Variants in ADPRHL1 observed in about 807,000 individuals in gnomAD.
ADPRHL1 encodes the protein ADP-ribosylhydrolase like 1.
ADPRHL1 carries 43 observed loss-of-function variants against 44.1 expected under a neutral mutation model. The observed-to-expected ratio is 0.98, with a 90% CI of 0.76 to 1.26. The LOEUF (loss-of-function observed/expected upper bound fraction) is 1.26. Among genes scored for constraint, ADPRHL1 ranks in the 50% most tolerant of loss-of-function variants. The probability of loss-of-function intolerance (pLI) is 0.00; values close to 1 mark genes in which losing one functional copy is unlikely to be tolerated. For missense variants in ADPRHL1, 2,022 were observed against 2,496.9 expected (o/e 0.81, Z 4.05); for synonymous variants, 878 against 1,017.4 (o/e 0.86, Z 2.61).
rs201361406 is a variant in ADPRHL1 at position 113,428,936 on chromosome 13, C to A, written c.646+16G>T. 6.2e-7 allele frequency: 1 copy of A among 1,611,810 alleles called. No homozygotes were observed. The highest frequency in any genetic ancestry group is 8.5e-7 in the Non-Finnish European group (1 of 1,179,908). Reference sequence around the variant, plus strand: ...ATCTGCTCTGAGTGCGGACTGGGGCCGGGGGAGCGGCTCACCTGCCGTGTG... The same window carrying A: ...ATCTGCTCTGAGTGCGGACTGGGGCAGGGGGAGCGGCTCACCTGCCGTGTG... On this transcript the variant is annotated intron_variant, in intron 4 of 7. Transcript: ENST00000612156.
At chr13:113,447,530 C>T (rs1394474135) in intron 1 of ADPRHL1, among the ~76,000 whole-genome samples, 2 of 152,156 alleles carry the variant, frequency 1.3e-5, no homozygotes, top group Non-Finnish European at 2.9e-5. Flanking sequence ...ATGGTGTCTA[C>T]ACTCACGGTG....
rs1192376322 is a variant in ADPRHL1, at chr13:113,420,878, CCACCCCCGGGACCCGCT to C, written c.1061+1931_1061+1947del. 2.7e-5 allele frequency among the ~76,000 whole-genome samples: 4 copies of C among 150,284 alleles called. No homozygotes were observed. In the South Asian group the frequency reaches 6.3e-4, roughly 24 times the overall value. ...GGACACACCTAGCCCCAGGACCCGC[CCACCCCCGGGACCCGCT>C]CACCCCGGGACACCACTACCCCTGG... On this transcript the variant is annotated intron_variant, in intron 7 of 7. Coordinates refer to ENST00000612156, the MANE Select transcript of ADPRHL1 (RefSeq NM_001394807.1).
intron 2 of ADPRHL1, among the ~76,000 whole-genome samples, chr13:113,438,042 G>A (rs955383869): frequency 6.6e-6 from 1 of 152,120 alleles, no homozygotes; most frequent in Non-Finnish European, 1.5e-5. Flanking sequence ...TGTTGGCCAG[G>A]CTGGTCTTGA....
chr13:113,429,023 C>G lies in ADPRHL1; in HGVS notation c.575G>C (p.Trp192Ser), dbSNP rs754691717. The G allele has an allele frequency of 6.2e-6, 10 of 1,612,788 alleles. No individual in the cohort carries two copies. Among genetic ancestry groups the G allele is most frequent in the Admixed American group, 1.7e-5 (1 of 60,000 alleles). The part of the protein sequence containing the change: ...FAAQGKPLVQ[W>S]GRDMLRAVPL... ...CACCGCCCGCAGCATGTCTCTCCCC[C>G]ACTGGACCAGGGGCTTTCCTTGTGC... The change falls in exon 4 of 8, where the codon TGG (tryptophan) becomes TCG (serine). Residue 192 changes from tryptophan to serine, a missense_variant. Physicochemically the swap from Trp to Ser is radical, Grantham distance 177 (BLOSUM62 -3). This residue lies in a region of ADPRHL1 where 437 missense variants were observed against 430.7 expected (regional missense o/e 1.01). Transcript: ENST00000612156.
At chr13:113,408,249 T>C (rs1416961585) in intron 7 of ADPRHL1, 29 bp from the exon 8 acceptor site, 3 of 1,231,780 alleles carry the variant, frequency 2.4e-6, no homozygotes, top group Non-Finnish European at 3.0e-6. Context: ...CATCACCTAC[T>C]TCATCATCAT....
intron 7 of ADPRHL1, among the ~76,000 whole-genome samples, chr13:113,420,498 C>T (rs77959582): frequency 5.1e-4 from 78 of 152,188 alleles, no homozygotes; most frequent in African/African-American, 1.8e-3. Flanking sequence ...GTACTACGAC[C>T]GTGTTACTTA....
At chr13:113,434,534 C>T (rs12871498) in intron 2 of ADPRHL1, among the ~76,000 whole-genome samples, 31 of 119,106 alleles carry the variant, frequency 2.6e-4, no homozygotes, top group South Asian at 8.7e-4. Flanking sequence ...AGAGTGAACA[C>T]AGGTGTACCC....
intron 7 of ADPRHL1, among the ~76,000 whole-genome samples, chr13:113,419,220 C>T (rs1286437404): frequency 1.2e-4 from 18 of 147,852 alleles, no homozygotes; most frequent in African/African-American, 4.5e-4. Context: ...AATCCTCCCA[C>T]CTCAGTCTCC....
At chr13:113,412,558 A>T (rs190007416) in intron 7 of ADPRHL1, among the ~76,000 whole-genome samples, 4 of 152,368 alleles carry the variant, frequency 2.6e-5, no homozygotes, top group African/African-American at 9.6e-5. Context: ...ACTAGAGCAG[A>T]GCCCCTGCAT....
intron 2 of ADPRHL1, among the ~76,000 whole-genome samples, chr13:113,435,416 C>T (rs370043659): frequency 2.1e-3 from 158 of 76,804 alleles, no homozygotes; most frequent in East Asian, 3.5e-3. Flanking sequence ...AGAGTGAACA[C>T]AGGTGTACCC....
chr13:113,424,278 G>C lies in ADPRHL1; in HGVS notation c.846C>G (p.Asp282Glu), dbSNP rs80197449. The change falls in exon 6 of 8, where the codon GAC becomes GAG. Residue 282 changes from aspartate (D) to glutamate (E), a missense_variant. Asp to Glu is a conservative substitution (Grantham distance 45). This residue lies in a region of ADPRHL1 where 437 missense variants were observed against 430.7 expected (regional missense o/e 1.01). Coordinates refer to ENST00000612156, the MANE Select transcript of ADPRHL1 (RefSeq NM_001394807.1). Reference protein sequence around the residue: ...RGHDAPMIAYDALLAAGNSWT... With the variant: ...RGHDAPMIAYEALLAAGNSWT... ...AGCTGTTTCCTGCTGCAAGGAGGGC[G>C]TCATAGGCTATCATGGGGGCATCGT... The C allele has an allele frequency of 1.9e-6, 3 of 1,612,950 alleles. No individual in the cohort carries two copies. Among genetic ancestry groups the C allele is most frequent in the Non-Finnish European group, 2.5e-6 (3 of 1,179,920 alleles).
At chr13:113,434,474 C>T (rs1162315253) in intron 2 of ADPRHL1, among the ~76,000 whole-genome samples, 2 of 148,714 alleles carry the variant, frequency 1.3e-5, no homozygotes, top group Non-Finnish European at 3.0e-5. Flanking sequence ...GACCCAGCAC[C>T]CACACGTAGA....
At chr13:113,416,544 G>A (rs546157541) in intron 7 of ADPRHL1, among the ~76,000 whole-genome samples, 67 of 152,232 alleles carry the variant, frequency 4.4e-4, no homozygotes, top group African/African-American at 1.5e-3. Flanking sequence ...CCTAATTACA[G>A]CAACTGCCTA....
In ADPRHL1 at chr13:113,401,556, A is replaced by T. The variant is rs1447519905; in HGVS notation, c.*1822T>A. 2 of 152,234 alleles carry T rather than the reference A, an allele frequency of 1.3e-5. No homozygotes were observed. The highest frequency in any genetic ancestry group is 2.4e-5 in the African/African-American group (1 of 41,398). The allele number at this position is 152,234 out of a possible 1,614,324, so 9.4% of individuals were successfully genotyped here. ...CCTCCACACACAGCAGCTCGCACTT[A>T]GAACCCACACGCCAAGCAGAAACCC... On this transcript the variant is annotated 3_prime_UTR_variant, in exon 8 of 8. Coordinates refer to ENST00000612156, the MANE Select transcript of ADPRHL1 (RefSeq NM_001394807.1). The surrounding 1 kb of genome is among the most constrained non-coding windows in gnomAD (Gnocchi z 5.5).
chr13:113,430,810 G>A (rs2044001719), intron 3 of ADPRHL1, among the ~76,000 whole-genome samples: 1 of 152,144 alleles, frequency 6.6e-6, no homozygotes, highest in Non-Finnish European at 1.5e-5. Flanking sequence ...AGTAGGGATG[G>A]TGTGGTGCTG....
At position 113,403,958 on chromosome 13, in the gene ADPRHL1, C is replaced by A; in HGVS notation, c.5324G>T (p.Arg1775Leu). 7.9e-7 allele frequency: 1 copy of A among 1,268,126 alleles called. No homozygotes were observed. The highest frequency in any genetic ancestry group is 9.9e-7 in the Non-Finnish European group (1 of 1,014,862). 78.6% of individuals were successfully genotyped at this position (1,268,126 alleles called of 1,614,324 possible). A position where few individuals can be genotyped will look rare whatever the true frequency, so the allele number is the denominator to read the frequency against. The change falls in exon 8 of 8, where the codon CGG (arginine) becomes CTG (leucine). Residue 1775 changes from arginine (R) to leucine (L), a missense_variant. Transcript: ENST00000612156. ...QKGAQEWARD[R>L]ARDQGWEQTQ... ...CTGCTCCCAGCCCTGATCCCGAGCC[C>A]GATCCCGAGCCCATTCCTGAGCCCC...
chr13:113,443,799 A>C (rs1024777171), intron 2 of ADPRHL1, among the ~76,000 whole-genome samples: 7 of 151,838 alleles, frequency 4.6e-5, no homozygotes, highest in African/African-American at 1.2e-4. Context: ...CAAAATTAGC[A>C]GGGCATGGTG....
chr13:113,413,495 C>T (rs958720432), intron 7 of ADPRHL1, among the ~76,000 whole-genome samples: 3 of 152,216 alleles, frequency 2.0e-5, no homozygotes, highest in Non-Finnish European at 2.9e-5. Context: ...GGACTTTCGG[C>T]GACTCCCGCG....
intron 7 of ADPRHL1, among the ~76,000 whole-genome samples, chr13:113,411,837 G>A (rs1452351688): frequency 6.6e-6 from 1 of 152,156 alleles, no homozygotes; most frequent in Admixed American, 6.5e-5. Context: ...TTTGTGTTTT[G>A]CAATCATCAT....
Sources: gnomAD v4.1 joint callset for allele counts (sites outside exome capture counted in the v4.1 genomes callset) on GRCh38, gnomAD v4.1.1 for gene constraint, gnomAD v4.1.1 regional missense constraint, Gnocchi (gnomAD v3.1) non-coding constraint, MANE v1.5 for transcripts, NCBI Gene and HGNC (gene_info 2026-07-23, HGNC 2026-07-21) for gene names.